PREP: variants seen among roughly 807,000 people sequenced by gnomAD.
PREP encodes prolyl endopeptidase, also known as dJ355L5.1 (prolyl endopeptidase).
In PREP, 29 loss-of-function variants were observed where a neutral mutation model predicts 87.6. The ratio of observed to expected loss-of-function variants is 0.33; its 90% CI spans 0.25 to 0.45. The LOEUF (loss-of-function observed/expected upper bound fraction) is 0.45. PREP is among the 20% of genes least tolerant of loss of function. The pLI, the probability that PREP is intolerant of heterozygous loss-of-function variation, is 1.00. For missense variants in PREP, 695 were observed against 886.5 expected (o/e 0.78, Z 2.74); for synonymous variants, 337 against 328.6 (o/e 1.03, Z -0.28).
At chr6:105,302,655 A>G in intron 10 of PREP, 1 of 477,946 alleles carries the variant, frequency 2.1e-6, no homozygotes, top group Non-Finnish European at 4.1e-6. Flanking sequence ...TTACGGTGAG[A>G]ACACGGGCAA....
chr6:105,308,416 C>A (rs559941054), intron 10 of PREP, among the ~76,000 whole-genome samples: 3 of 152,184 alleles, frequency 2.0e-5, no homozygotes, highest in Non-Finnish European at 4.4e-5. Flanking sequence ...GGCTCCAGTA[C>A]AATAAAAGCA....
chr6:105,374,661 T>TCAGAA, intron 4 of PREP, among the ~76,000 whole-genome samples: 1 of 63,186 alleles, frequency 1.6e-5, no homozygotes, highest in African/African-American at 1.7e-4. Flanking sequence ...TATATATATA[T>TCAGAA]ATATATATAT....
At chr6:105,397,450 T>C (rs892948823) in intron 2 of PREP, among the ~76,000 whole-genome samples, 2 of 152,240 alleles carry the variant, frequency 1.3e-5, no homozygotes, top group African/African-American at 4.8e-5. Flanking sequence ...GTGTTCAGTT[T>C]TCATGACCTA....
rs750267010 is a variant in PREP at position 105,328,866 on chromosome 6, A to G, written c.1176T>C (p.Thr392=). The G allele has an allele frequency of 2.5e-6, 4 of 1,614,238 alleles. No homozygotes were observed. The highest frequency in any genetic ancestry group is 2.2e-5 in the South Asian group (2 of 91,080). Residue 392 remains threonine, a synonymous_variant, in exon 9 of 15, where the codon ACT becomes ACC. Coordinates refer to ENST00000652536, the MANE Select transcript of PREP (RefSeq NM_002726.5). ...AGGAAGTAAACTGATAGAAGATTTC[A>G]GTGTCCTTCTTCTGACCGCTGTACC... is the stretch of plus-strand genomic sequence containing the variant. ...IVGYSGQKKD[T]EIFYQFTSFL... is the part of the protein sequence containing the mutation.
chr6:105,395,618 C>T (rs1465007945), intron 2 of PREP, among the ~76,000 whole-genome samples: 1 of 152,178 alleles, frequency 6.6e-6, no homozygotes, highest in Non-Finnish European at 1.5e-5. Context: ...ACTATAAGAT[C>T]ATTAATTAGC....
chr6:105,390,907 A>G (rs1048121345), intron 2 of PREP, among the ~76,000 whole-genome samples: 2 of 152,116 alleles, frequency 1.3e-5, no homozygotes, highest in African/African-American at 4.8e-5. Flanking sequence ...AAAGCAGTGT[A>G]AAAAAGCAGG....
rs563604030 is a variant in PREP, at chr6:105,274,298, G to C, written c.*3846C>G. Among the ~76,000 whole-genome samples, 92 of 142,488 alleles carry C rather than the reference G, an allele frequency of 6.5e-4. No homozygotes were observed. Among genetic ancestry groups the C allele is most frequent in the African/African-American group, 2.8e-3 (92 of 32,550 alleles). The allele number at this position is 142,488 out of a possible 152,430, so 93.5% of individuals were successfully genotyped here. On this transcript the variant is annotated 3_prime_UTR_variant, in exon 15 of 15. Transcript: ENST00000652536. ...CCTCACATGGTGGAAGGGATGGGGC[G>C]GGGGGGTCTCTCCTTGGGCTCTAAT...
chr6:105,383,754 G>C (rs904340608), intron 2 of PREP, among the ~76,000 whole-genome samples: 1 of 152,026 alleles, frequency 6.6e-6, no homozygotes, highest in Non-Finnish European at 1.5e-5. Flanking sequence ...CCGTCACTCC[G>C]ACCTGATATT....
At chr6:105,376,402 G>A (rs1772688409) in intron 3 of PREP, 147 bp from the exon 4 acceptor site, 3 of 823,132 alleles carry the variant, frequency 3.6e-6, no homozygotes, top group Admixed American at 5.6e-5. Context: ...TGGGGACATG[G>A]GTGAAAGGTT....
At chr6:105,323,986 C>T (rs58562078) in intron 9 of PREP, among the ~76,000 whole-genome samples, 3,137 of 152,316 alleles carry the variant, frequency 0.021, 97 homozygotes, top group African/African-American at 0.073. Flanking sequence ...CTCATCATCA[C>T]CATCTCATGC....
intron 5 of PREP, 149 bp downstream of exon 5, chr6:105,373,220 A>G (rs1772601607): frequency 2.3e-6 from 2 of 856,930 alleles, no homozygotes; most frequent in Non-Finnish European, 3.7e-6. Flanking sequence ...GGGGTCTATT[A>G]CACAGCAAAG....
chr6:105,375,920 C>G (rs1408052394), intron 4 of PREP, among the ~76,000 whole-genome samples: 1 of 152,156 alleles, frequency 6.6e-6, no homozygotes, highest in Non-Finnish European at 1.5e-5. Context: ...TGCTTCATGC[C>G]ATCAGAGTGG....
At chr6:105,295,480 A>G (rs1770390193) in intron 10 of PREP, among the ~76,000 whole-genome samples, 1 of 151,952 alleles carries the variant, frequency 6.6e-6, no homozygotes, top group East Asian at 1.9e-4. Flanking sequence ...CTTAAGCTAC[A>G]TCTCCATCTT....
chr6:105,287,526 C>T (rs1770212872), intron 11 of PREP, among the ~76,000 whole-genome samples: 1 of 152,196 alleles, frequency 6.6e-6, no homozygotes, highest in South Asian at 2.1e-4. Flanking sequence ...CATTATAAAT[C>T]ACTTGAGGGC....
chr6:105,333,267 T>C (rs1424929844), intron 8 of PREP, 47 bp downstream of exon 8: 12 of 1,536,000 alleles, frequency 7.8e-6, no homozygotes, highest in Non-Finnish European at 1.1e-5. Flanking sequence ...TTGTTGATGT[T>C]CTCATCAAAA....
At chr6:105,303,491 A>G (rs1302742071) in intron 10 of PREP, among the ~76,000 whole-genome samples, 1 of 152,016 alleles carries the variant, frequency 6.6e-6, no homozygotes, top group African/African-American at 2.4e-5. Flanking sequence ...CCAATGTCAC[A>G]TGCCTTTCTA....
Position 105,396,442 on chromosome 6 carries a change from C to A in PREP, c.120+1411G>T, listed in dbSNP as rs150982513. 8.1e-3 allele frequency among the ~76,000 whole-genome samples: 1,230 copies of A among 152,280 alleles called. 18 individuals carry two copies. The highest frequency in any genetic ancestry group is 0.028 in the African/African-American group (1,174 of 41,546). The stretch of plus-strand genomic sequence containing the variant: ...GATGATCATGTGGTTTACTCCCCTG[C>A]CTCTACTTTCTCTCTTTTCTCCATA... On this transcript the variant is annotated intron_variant, in intron 2 of 14. Transcript: ENST00000652536.
intron 1 of PREP, among the ~76,000 whole-genome samples, chr6:105,401,759 G>T (rs1484911290): frequency 6.6e-6 from 1 of 152,184 alleles, no homozygotes; most frequent in Non-Finnish European, 1.5e-5. Context: ...GTGTCACTTG[G>T]AAGTCTTAAT....
At chr6:105,289,641 G>A (rs899506383) in intron 10 of PREP, among the ~76,000 whole-genome samples, 4 of 152,064 alleles carry the variant, frequency 2.6e-5, no homozygotes, top group African/African-American at 7.2e-5. Flanking sequence ...ATAAGGAAGG[G>A]AACATTAAAA....
Sources: allele counts gnomAD v4.1 joint callset (sites outside exome capture counted in the v4.1 genomes callset), GRCh38; gene constraint gnomAD v4.1.1; transcripts MANE v1.5; gene names NCBI Gene and HGNC (gene_info 2026-07-23, HGNC 2026-07-21).